Variants in FGD4 observed in about 807,000 individuals in gnomAD.
FGD4 encodes FYVE, RhoGEF and PH domain containing 4.
FGD4 carries 42 observed loss-of-function variants against 102.0 expected under a neutral mutation model. The ratio of observed to expected loss-of-function variants is 0.41; its 90% CI spans 0.32 to 0.53. The LOEUF (loss-of-function observed/expected upper bound fraction) is 0.53, where lower values mean the gene tolerates loss of function less well. FGD4 is among the 20% of genes least tolerant of loss of function. The pLI, the probability that FGD4 is intolerant of heterozygous loss-of-function variation, is 0.21. For synonymous variants in FGD4, 380 were observed against 375.7 expected (o/e 1.01, Z -0.13); for missense variants, 902 against 1,078.2 (o/e 0.84, Z 2.29).
At chr12:32,514,907 G>T (rs1939740947) in intron 1 of FGD4, among the ~76,000 whole-genome samples, 2 of 151,848 alleles carry the variant, frequency 1.3e-5, no homozygotes, top group Admixed American at 1.3e-4. Flanking sequence ...GTAGATATGG[G>T]GTTTTCACCA....
At chr12:32,639,169 G>A (rs75827971) in intron 16 of FGD4, among the ~76,000 whole-genome samples, 2,011 of 152,104 alleles carry the variant, frequency 0.013, 34 homozygotes, top group Non-Finnish European at 0.015. Flanking sequence ...TTGTTGTGTT[G>A]TTGTTTTCTT....
intron 14 of FGD4, among the ~76,000 whole-genome samples, chr12:32,632,948 A>T (rs951527076): frequency 1.3e-5 from 2 of 152,118 alleles, no homozygotes; most frequent in Non-Finnish European, 1.5e-5. Context: ...AGGCCTGTAA[A>T]CCAGTAAGAA....
At chr12:32,560,177 T>A (rs996240423) in intron 1 of FGD4, among the ~76,000 whole-genome samples, 4 of 152,248 alleles carry the variant, frequency 2.6e-5, no homozygotes, top group Admixed American at 2.6e-4. Context: ...CTTTGCCTAT[T>A]TCACATACTT....
At chr12:32,486,760 T>TGTG (rs1217691979) in intron 1 of FGD4, among the ~76,000 whole-genome samples, 2 of 152,228 alleles carry the variant, frequency 1.3e-5, no homozygotes, top group East Asian at 3.8e-4. Flanking sequence ...CTTCTATCAT[T>TGTG]GTGGCTTAAG....
In FGD4 at chr12:32,640,280, T is replaced by A. The variant is rs1335673477; in HGVS notation, c.2459T>A (p.Val820Asp). The change falls in exon 17 of 17, where the codon GTC becomes GAC. Residue 820 changes from valine to aspartate, a missense_variant. Val to Asp is a radical substitution (Grantham distance 152, BLOSUM62 -3). Coordinates refer to ENST00000534526, the MANE Select transcript of FGD4 (RefSeq NM_001370298.3). ...TGTCTGATGTCTTTTCTTTAGGACG[T>A]CAGAGCCCAGGCCACCATTCCACTT... The part of the protein sequence containing the change: ...VLYMYGAPQD[V>D]RAQATIPLLG... The A allele has an allele frequency of 5.6e-6, 9 of 1,614,106 alleles. No individual in the cohort carries two copies.
At chr12:32,590,309 TAAA>T (rs939160366) in intron 4 of FGD4, among the ~76,000 whole-genome samples, 4 of 80,478 alleles carry the variant, frequency 5.0e-5, no homozygotes, top group African/African-American at 4.6e-5. Flanking sequence ...AGACTTCATC[TAAA>T]AAAAAAAAAA....
At chr12:32,526,412 A>T (rs183189107) in intron 1 of FGD4, among the ~76,000 whole-genome samples, 2 of 152,322 alleles carry the variant, frequency 1.3e-5, no homozygotes, top group East Asian at 3.9e-4. Flanking sequence ...CTCTGTATCT[A>T]GCTGCTCTAG....
At chr12:32,633,752 G>T in intron 15 of FGD4, 63 bp downstream of exon 15, 1 of 1,458,576 alleles carries the variant, frequency 6.9e-7, no homozygotes, top group Non-Finnish European at 9.4e-7. Context: ...CTCTCGCTCT[G>T]TCACCCAGGC....
chr12:32,484,832 A>G (rs1478067017), intron 1 of FGD4, among the ~76,000 whole-genome samples: 1 of 152,132 alleles, frequency 6.6e-6, no homozygotes, highest in Non-Finnish European at 1.5e-5. Flanking sequence ...AGATCACACC[A>G]CTACACTCCA....
chr12:32,502,570 T>C (rs1183194286), intron 1 of FGD4, among the ~76,000 whole-genome samples: 1 of 152,208 alleles, frequency 6.6e-6, no homozygotes, highest in Admixed American at 6.5e-5. Flanking sequence ...TGTGAAATTG[T>C]TTTATGACTC....
chr12:32,408,767 A>C (rs77850101), intron 1 of FGD4, among the ~76,000 whole-genome samples: 1 of 152,148 alleles, frequency 6.6e-6, no homozygotes, highest in African/African-American at 2.4e-5. Flanking sequence ...AGCATTCAGC[A>C]CCTATTTTCA....
At chr12:32,627,006 C>T (rs1233509001) in intron 14 of FGD4, among the ~76,000 whole-genome samples, 1 of 151,500 alleles carries the variant, frequency 6.6e-6, no homozygotes, top group African/African-American at 2.4e-5. Context: ...TGCCACCACA[C>T]CTGGCTGATT....
intron 1 of FGD4, among the ~76,000 whole-genome samples, chr12:32,447,403 T>A (rs571081872): frequency 6.9e-6 from 1 of 144,850 alleles, no homozygotes; most frequent in South Asian, 2.1e-4. Context: ...GTGAGTAGTT[T>A]ATGGGGTGTG....
At chr12:32,487,860 C>A (rs371789703) in intron 1 of FGD4, among the ~76,000 whole-genome samples, 4 of 152,326 alleles carry the variant, frequency 2.6e-5, no homozygotes, top group Admixed American at 6.5e-5. Context: ...TCCACCACAC[C>A]CGCATTAGCC....
At chr12:32,561,950 T>C (rs528147586) in intron 1 of FGD4, among the ~76,000 whole-genome samples, 3 of 152,306 alleles carry the variant, frequency 2.0e-5, no homozygotes, top group African/African-American at 7.2e-5. Flanking sequence ...CGTTAGCGTA[T>C]GTCATGGATG....
chr12:32,616,338 T>C (rs1949448322), intron 10 of FGD4, among the ~76,000 whole-genome samples: 1 of 152,192 alleles, frequency 6.6e-6, no homozygotes, highest in Admixed American at 6.5e-5. Context: ...TGGCAGTCAG[T>C]GACTGAGGAA....
chr12:32,452,153 G>A (rs1447270706), intron 1 of FGD4, among the ~76,000 whole-genome samples: 1 of 152,050 alleles, frequency 6.6e-6, no homozygotes, highest in African/African-American at 2.4e-5. Context: ...CTTTTGTTAA[G>A]TCTATTCTAC....
intron 1 of FGD4, among the ~76,000 whole-genome samples, chr12:32,494,181 GGT>G: frequency 6.6e-6 from 1 of 152,280 alleles, no homozygotes; most frequent in Non-Finnish European, 1.5e-5. Flanking sequence ...TAGGACTACA[GGT>G]GTGTGCCACC....
intron 1 of FGD4, among the ~76,000 whole-genome samples, chr12:32,518,498 C>A (rs775096164): frequency 5.3e-5 from 8 of 152,086 alleles, no homozygotes; most frequent in Non-Finnish European, 8.8e-5. Flanking sequence ...CAACAAAAAA[C>A]CAGCCCTGGC....
Sources: allele counts gnomAD v4.1 joint callset (sites outside exome capture counted in the v4.1 genomes callset), GRCh38; gene constraint gnomAD v4.1.1; transcripts MANE v1.5; gene names NCBI Gene and HGNC (gene_info 2026-07-23, HGNC 2026-07-21).